C12orf42: variants seen among roughly 807,000 people sequenced by gnomAD.
C12orf42 encodes the protein chromosome 12 open reading frame 42.
Under a neutral mutation model 21.6 loss-of-function variants are expected in C12orf42, and 25 were observed. The ratio of observed to expected loss-of-function variants is 1.16; its 90% CI spans 0.84 to 1.62. The LOEUF (loss-of-function observed/expected upper bound fraction) is 1.62, where lower values mean the gene tolerates loss of function less well. Ranked by LOEUF, C12orf42 falls within the 40% of genes most tolerant of loss-of-function variation. The pLI, the probability that C12orf42 is intolerant of heterozygous loss-of-function variation, is 0.00. For synonymous variants in C12orf42, 174 were observed against 175.0 expected, an observed-to-expected ratio of 0.99 and a Z score of 0.05; for missense variants, 483 against 459.3, an observed-to-expected ratio of 1.05 and a Z score of -0.47.
chr12:103,281,797 A>G (rs1299803493), intron 4 of C12orf42, among the ~76,000 whole-genome samples: 1 of 152,040 alleles, frequency 6.6e-6, no homozygotes, highest in East Asian at 1.9e-4. Flanking sequence ...CTGGAATTAC[A>G]TGTGTGAGCC....
chr12:103,158,311 T>C, the C12orf42 span, among the ~76,000 whole-genome samples: 4 of 152,158 alleles, frequency 2.6e-5, no homozygotes, highest in Non-Finnish European at 4.4e-5. Flanking sequence ...CCACATCACA[T>C]TGCCCATGGG....
At chr12:103,232,156 G>A in the C12orf42 span, among the ~76,000 whole-genome samples, 15 of 152,040 alleles carry the variant, frequency 9.9e-5, no homozygotes, top group African/African-American at 3.6e-4. Flanking sequence ...ATATTGTTTG[G>A]TTTATATTTA....
the C12orf42 span, chr12:103,559,365 C>T: frequency 6.6e-6 from 1 of 152,378 alleles, no homozygotes; most frequent in African/African-American, 2.4e-5. Context: ...GAGGAGGACA[C>T]CTGGAAACTT....
intron 2 of C12orf42, among the ~76,000 whole-genome samples, chr12:103,436,217 C>T (rs1301089746): frequency 6.7e-6 from 1 of 148,916 alleles, no homozygotes; most frequent in East Asian, 2.0e-4. Context: ...ATTTTGTCAC[C>T]ACCAGGCCTG....
intron 2 of C12orf42, among the ~76,000 whole-genome samples, chr12:103,450,256 A>G (rs148913572): frequency 3.9e-5 from 6 of 152,104 alleles, no homozygotes; most frequent in Non-Finnish European, 5.9e-5. Context: ...GGATTTTTGC[A>G]TCAATGTCCA....
chr12:103,082,560 A>G, the C12orf42 span, among the ~76,000 whole-genome samples: 2 of 152,234 alleles, frequency 1.3e-5, no homozygotes, highest in African/African-American at 2.4e-5. Flanking sequence ...TCTTAAAGCC[A>G]TACCTGTCAT....
intron 2 of C12orf42, among the ~76,000 whole-genome samples, chr12:103,421,920 AAATAAT>A (rs1162499328): frequency 3.3e-5 from 5 of 152,116 alleles, no homozygotes; most frequent in African/African-American, 4.8e-5. Context: ...TTCATGCTCC[AAATAAT>A]AATAATAAGA....
chr12:103,065,408 A>G, the C12orf42 span, among the ~76,000 whole-genome samples: 1 of 152,218 alleles, frequency 6.6e-6, no homozygotes, highest in African/African-American at 2.4e-5. Flanking sequence ...GGCCCACCAG[A>G]AGAAATTTGC....
intron 10 of C12orf42, among the ~76,000 whole-genome samples, chr12:103,259,750 C>T (rs1311173247): frequency 6.6e-6 from 1 of 152,190 alleles, no homozygotes. Flanking sequence ...ACACATACCC[C>T]TCTACCTCAT....
the C12orf42 span, among the ~76,000 whole-genome samples, chr12:103,049,634 T>C: frequency 6.6e-6 from 1 of 152,226 alleles, no homozygotes; most frequent in East Asian, 1.9e-4. Context: ...ATCCTCTCAA[T>C]GGCCTTTGAT....
chr12:103,210,053 CTT>C, the C12orf42 span, among the ~76,000 whole-genome samples: 1 of 146,360 alleles, frequency 6.8e-6, no homozygotes, highest in Non-Finnish European at 1.5e-5. Flanking sequence ...TTCTTCCATA[CTT>C]TTTTTTTTTT....
intron 2 of C12orf42, among the ~76,000 whole-genome samples, chr12:103,414,467 G>A (rs575132252): frequency 9.9e-5 from 15 of 152,080 alleles, no homozygotes; most frequent in South Asian, 4.2e-4. Flanking sequence ...CATTGAATCC[G>A]TACATTTCTT....
At chr12:103,289,383 G>A (rs1218071109) in intron 4 of C12orf42, among the ~76,000 whole-genome samples, 1 of 151,914 alleles carries the variant, frequency 6.6e-6, no homozygotes, top group Non-Finnish European at 1.5e-5. Flanking sequence ...AAAATACTTA[G>A]GAATATTTTT....
intron 5 of C12orf42, among the ~76,000 whole-genome samples, chr12:103,272,873 T>A (rs757083778): frequency 5.9e-5 from 9 of 152,190 alleles, no homozygotes; most frequent in African/African-American, 1.2e-4. Context: ...TAGCACATGA[T>A]CTGCTTTTCT....
chr12:103,057,037 G>A, the C12orf42 span, among the ~76,000 whole-genome samples: 5 of 152,058 alleles, frequency 3.3e-5, no homozygotes, highest in Non-Finnish European at 7.4e-5. Context: ...AGGTCCTCAT[G>A]GTTGGTGGTA....
Position 103,306,089 on chromosome 12 carries a change from T to C in C12orf42, c.516A>G (p.Lys172=). Residue 172 remains lysine (K), a synonymous_variant, in exon 5 of 6, where the codon AAA becomes AAG. Transcript: ENST00000548883. ...WNSSFLEQLV[K]KPNWAHSVNP... ...TTACTGAGTGTGCCCAGTTAGGCTTTTTAACCAGTTGTTCCAAAAATGAAC... is the reference window on the plus strand; with the variant it reads ...TTACTGAGTGTGCCCAGTTAGGCTTCTTAACCAGTTGTTCCAAAAATGAAC... The C allele has an allele frequency of 6.2e-7, 1 of 1,614,016 alleles. No homozygotes were observed. The highest frequency in any genetic ancestry group is 8.5e-7 in the Non-Finnish European group (1 of 1,179,870).
At chr12:103,398,995 T>G (rs1251681354) in intron 3 of C12orf42, among the ~76,000 whole-genome samples, 2 of 152,144 alleles carry the variant, frequency 1.3e-5, no homozygotes, top group Non-Finnish European at 2.9e-5. Context: ...AATACTATGA[T>G]GGACTTCTCA....
the C12orf42 span, among the ~76,000 whole-genome samples, chr12:103,084,710 G>C: frequency 3.3e-5 from 5 of 152,110 alleles, no homozygotes; most frequent in Admixed American, 3.3e-4. Flanking sequence ...GCACTAGCTT[G>C]TTTCTTTTGG....
the C12orf42 span, among the ~76,000 whole-genome samples, chr12:103,546,556 A>T: frequency 7.9e-5 from 12 of 152,356 alleles, no homozygotes; most frequent in Non-Finnish European, 1.6e-4. Flanking sequence ...GGAAAAATAG[A>T]ACCTCAGTCG....
Sources: allele counts gnomAD v4.1 joint callset (sites outside exome capture counted in the v4.1 genomes callset), GRCh38; gene constraint gnomAD v4.1.1; transcripts MANE v1.5; gene names NCBI Gene and HGNC (gene_info 2026-07-23, HGNC 2026-07-21).